DZIP3: variants seen among roughly 807,000 people sequenced by gnomAD.
DZIP3 encodes DAZ interacting zinc finger protein 3, also known as E3 ubiquitin-protein ligase DZIP3.
In DZIP3, 118 loss-of-function variants were observed where a neutral mutation model predicts 162.0. The observed-to-expected ratio is 0.73, with a 90% CI of 0.63 to 0.85. The LOEUF is 0.85. Among genes scored for constraint, DZIP3 ranks in the 40% least tolerant of loss-of-function variants. DZIP3 has a pLI of 0.00. For missense variants in DZIP3, 1,331 were observed against 1,407.0 expected (o/e 0.95, Z 0.86); for synonymous variants, 438 against 458.6 (o/e 0.96, Z 0.57).
chr3:108,603,214 G>A (rs2107468445), intron 1 of DZIP3: 1 of 152,312 alleles, frequency 6.6e-6, no homozygotes, highest in South Asian at 2.1e-4. Context: ...TCTGGAAAAG[G>A]CGTACATTTG....
Position 108,644,468 on chromosome 3 carries a change from A to C in DZIP3, c.1446A>C (p.Ala482=). 1 of 1,613,974 alleles carries C rather than the reference A, an allele frequency of 6.2e-7. No homozygotes were observed. ...TAAAACATTTAAATGTGTTCCCTGCACCCAAAAAAGGATGGAATATGGAAC... is the reference window on the plus strand; with the variant it reads ...TAAAACATTTAAATGTGTTCCCTGCCCCCAAAAAAGGATGGAATATGGAAC... ...ALIKHLNVFP[A]PKKGWNMEPP... The change falls in exon 14 of 33, where the codon GCA becomes GCC. Residue 482 remains alanine (A), a synonymous_variant. Coordinates refer to ENST00000361582, the MANE Select transcript of DZIP3 (RefSeq NM_014648.4).
chr3:108,599,684 G>A (rs533423991), intron 1 of DZIP3, among the ~76,000 whole-genome samples: 6 of 152,238 alleles, frequency 3.9e-5, no homozygotes, highest in Non-Finnish European at 8.8e-5. Flanking sequence ...GATAGTATTA[G>A]GAGGTTGGGC....
intron 19 of DZIP3, among the ~76,000 whole-genome samples, chr3:108,660,899 G>T (rs1444699601): frequency 6.6e-6 from 1 of 152,132 alleles, no homozygotes; most frequent in African/African-American, 2.4e-5. Context: ...CATCATCACT[G>T]GCCATCAGAG....
intron 1 of DZIP3, chr3:108,603,337 A>G (rs970658832): frequency 4.6e-5 from 7 of 152,190 alleles, no homozygotes; most frequent in Non-Finnish European, 7.4e-5. Flanking sequence ...ATCCTCAGTT[A>G]TGTCTTTTTC....
chr3:108,616,123 G>T (rs1252385983), intron 4 of DZIP3, among the ~76,000 whole-genome samples: 1 of 152,112 alleles, frequency 6.6e-6, no homozygotes, highest in Non-Finnish European at 1.5e-5. Flanking sequence ...AATTAGCCAG[G>T]TGTGGTGGTG....
At position 108,611,330 on chromosome 3, in the gene DZIP3, G is replaced by T; in HGVS notation, c.258+1G>T. ...AGATTTTTCCTTCCAAACTATGCAG[G>T]TAACGTCATAAGTTGTTATTTGGGG... On this transcript the variant is annotated splice_donor_variant, in intron 4 of 32. Transcript: ENST00000361582. LOFTEE classifies it high-confidence loss of function. The T allele has an allele frequency of 1.2e-6, 2 of 1,610,910 alleles. No individual in the cohort carries two copies. Among genetic ancestry groups the T allele is most frequent in the Non-Finnish European group, 1.7e-6 (2 of 1,178,906 alleles).
intron 14 of DZIP3, among the ~76,000 whole-genome samples, chr3:108,645,488 A>G (rs1038165207): frequency 1.3e-5 from 2 of 152,200 alleles, no homozygotes; most frequent in African/African-American, 2.4e-5. Flanking sequence ...AAACTTGTCT[A>G]TTGATACGGA....
At chr3:108,669,592 C>A in intron 21 of DZIP3, 89 bp from the exon 22 acceptor site, 1 of 1,163,688 alleles carries the variant, frequency 8.6e-7, no homozygotes, top group Non-Finnish European at 1.2e-6. Context: ...CATACTTTAT[C>A]TCCTCCACAG....
chr3:108,636,750 C>G, intron 11 of DZIP3, 42 bp downstream of exon 11: 2 of 1,365,982 alleles, frequency 1.5e-6, no homozygotes, highest in Non-Finnish European at 2.0e-6. Context: ...TCTTGCTTTC[C>G]TTCCTTGGAA....
chr3:108,658,293 T>G (rs1358303544), intron 19 of DZIP3, among the ~76,000 whole-genome samples: 2 of 152,160 alleles, frequency 1.3e-5, no homozygotes, highest in African/African-American at 4.8e-5. Flanking sequence ...AAACTGTCTC[T>G]CAGACCACAG....
chr3:108,652,730 A>G (rs1200664717), intron 18 of DZIP3, among the ~76,000 whole-genome samples: 1 of 151,940 alleles, frequency 6.6e-6, no homozygotes, highest in Admixed American at 6.6e-5. Flanking sequence ...ATACAGGTGT[A>G]CAATATGTTA....
chr3:108,644,951 A>G (rs986747623), intron 14 of DZIP3, among the ~76,000 whole-genome samples, 170 bp downstream of exon 14: 1 of 152,186 alleles, frequency 6.6e-6, no homozygotes, highest in African/African-American at 2.4e-5. Context: ...CCAGAATACC[A>G]TGGGAAATCC....
At chr3:108,621,895 A>G (rs1941369783) in intron 5 of DZIP3, among the ~76,000 whole-genome samples, 1 of 152,166 alleles carries the variant, frequency 6.6e-6, no homozygotes, top group South Asian at 2.1e-4. Context: ...AAAATATGGT[A>G]CATATACACA....
chr3:108,631,055 A>ACACACACACACACCCTCTCT, intron 8 of DZIP3, among the ~76,000 whole-genome samples: 3 of 18,006 alleles, frequency 1.7e-4, no homozygotes, highest in Admixed American at 8.5e-4. Flanking sequence ...ACACACACAC[A>ACACACACACACACCCTCTCT]CTCTCTCTCT....
chr3:108,668,101 T>C (rs188850816), intron 21 of DZIP3, among the ~76,000 whole-genome samples: 191 of 152,244 alleles, frequency 1.3e-3, no homozygotes, highest in Admixed American at 3.9e-3. Context: ...TGGTGTGGTT[T>C]TTTGGCCTAA....
intron 4 of DZIP3, among the ~76,000 whole-genome samples, chr3:108,615,936 A>G (rs1042500090): frequency 6.6e-6 from 1 of 152,060 alleles, no homozygotes; most frequent in Non-Finnish European, 1.5e-5. Context: ...GATGTTGCCA[A>G]CCCTTTGGCA....
At chr3:108,634,627 T>C (rs1942054591) in intron 9 of DZIP3, among the ~76,000 whole-genome samples, 1 of 152,152 alleles carries the variant, frequency 6.6e-6, no homozygotes, top group Non-Finnish European at 1.5e-5. Context: ...ACGTAGAATA[T>C]GGAAAATATA....
intron 22 of DZIP3, among the ~76,000 whole-genome samples, chr3:108,670,081 T>C (rs1943871116): frequency 5.3e-5 from 8 of 151,958 alleles, no homozygotes; most frequent in Admixed American, 2.6e-4. Flanking sequence ...TTTATGAAAC[T>C]GGCCAAGTTT....
intron 3 of DZIP3, among the ~76,000 whole-genome samples, chr3:108,608,398 T>C (rs961693728): frequency 2.6e-5 from 4 of 151,974 alleles, no homozygotes; most frequent in African/African-American, 9.7e-5. Flanking sequence ...TAAAAAAAAA[T>C]TGAATGGAAT....
Sources: allele counts gnomAD v4.1 joint callset (sites outside exome capture counted in the v4.1 genomes callset), GRCh38; gene constraint gnomAD v4.1.1; transcripts MANE v1.5; gene names NCBI Gene and HGNC (gene_info 2026-07-23, HGNC 2026-07-21).